The following CDH13 variants were observed in gnomAD, a reference collection of about 807,000 sequenced individuals.
CDH13 encodes cadherin 13.
In CDH13, 24 loss-of-function variants were observed where a neutral mutation model predicts 63.8. The ratio of observed to expected loss-of-function variants is 0.38; its 90% CI spans 0.27 to 0.53. The LOEUF is 0.53. Among genes scored for constraint, CDH13 ranks in the 20% least tolerant of loss-of-function variants. CDH13 has a pLI of 0.85. For synonymous variants in CDH13, 503 were observed against 355.3 expected, an observed-to-expected ratio of 1.42 and a Z score of -4.67; for missense variants, 1,049 against 903.1, an observed-to-expected ratio of 1.16 and a Z score of -2.07.
chr16:82,787,841 A>AGTGTCTGTGTGTGTGTGTGTGTGTGT (rs1555516777), intron 1 of CDH13, among the ~76,000 whole-genome samples: 1 of 146,654 alleles, frequency 6.8e-6, no homozygotes, highest in Non-Finnish European at 1.5e-5. Context: ...GAAGGGAGGA[A>AGTGTCTGTGTGTGTGTGTGTGTGTGT]GTGTGTGTGT....
At chr16:83,700,087 T>C (rs552374065) in intron 10 of CDH13, among the ~76,000 whole-genome samples, 1 of 152,288 alleles carries the variant, frequency 6.6e-6, no homozygotes. Context: ...GCCCCTCCTT[T>C]CCTTTACCTC....
At chr16:82,926,905 C>A (rs572409582) in intron 2 of CDH13, among the ~76,000 whole-genome samples, 1 of 152,286 alleles carries the variant, frequency 6.6e-6, no homozygotes, top group South Asian at 2.1e-4. Flanking sequence ...CATAAACTTA[C>A]CATCTTAAAG....
At chr16:83,044,735 G>A (rs1917622567) in intron 3 of CDH13, among the ~76,000 whole-genome samples, 1 of 152,208 alleles carries the variant, frequency 6.6e-6, no homozygotes, top group African/African-American at 2.4e-5. Context: ...ACTCAGAGGT[G>A]GGTCTTAGGT....
intron 1 of CDH13, among the ~76,000 whole-genome samples, chr16:82,739,080 C>T (rs1239122864): frequency 6.6e-6 from 1 of 152,198 alleles, no homozygotes; most frequent in Non-Finnish European, 1.5e-5. Context: ...GGGAACTGTG[C>T]CCTGGTTATG....
chr16:82,745,035 A>C (rs1339287348), intron 1 of CDH13, among the ~76,000 whole-genome samples: 1 of 152,204 alleles, frequency 6.6e-6, no homozygotes, highest in Non-Finnish European at 1.5e-5. Context: ...TTTTTGGCAG[A>C]AATGCAATCT....
intron 10 of CDH13, among the ~76,000 whole-genome samples, chr16:83,747,006 A>C (rs113896671): frequency 1.3e-5 from 2 of 152,210 alleles, no homozygotes; most frequent in African/African-American, 4.8e-5. Flanking sequence ...TCTGTTTCTC[A>C]AAACTCATTA....
chr16:83,069,636 C>G (rs533835613), intron 3 of CDH13, among the ~76,000 whole-genome samples: 73 of 152,276 alleles, frequency 4.8e-4, no homozygotes, highest in African/African-American at 1.6e-3. Flanking sequence ...TGCTGCCTCT[C>G]AGAAAGACTA....
At chr16:83,658,254 TCACCACCAGG>T in intron 8 of CDH13, among the ~76,000 whole-genome samples, 1 of 135,082 alleles carries the variant, frequency 7.4e-6, no homozygotes, top group Admixed American at 7.4e-5. Context: ...TCCCATGTCC[TCACCACCAGG>T]TCCCGTATCC....
chr16:83,085,483 G>A (rs535841963), intron 3 of CDH13, among the ~76,000 whole-genome samples: 9 of 152,300 alleles, frequency 5.9e-5, no homozygotes, highest in African/African-American at 1.7e-4. Context: ...CTGGGAGAAT[G>A]TGGAAAGGGT....
intron 7 of CDH13, among the ~76,000 whole-genome samples, chr16:83,524,851 A>G (rs536033975): frequency 1.4e-3 from 214 of 152,268 alleles, no homozygotes; most frequent in Middle Eastern, 0.01. Context: ...TGGGGCCACC[A>G]TCTAACACAG....
intron 8 of CDH13, among the ~76,000 whole-genome samples, chr16:83,660,154 C>T (rs562352140): frequency 6.6e-6 from 1 of 151,968 alleles, no homozygotes. Flanking sequence ...ACCAGGATTG[C>T]GGGGATGGTC....
chr16:82,672,175 G>C (rs1446735651), intron 1 of CDH13, among the ~76,000 whole-genome samples: 1 of 152,098 alleles, frequency 6.6e-6, no homozygotes, highest in Non-Finnish European at 1.5e-5. Context: ...ACCTCTTAAG[G>C]CTCAGTGTTT....
intron 3 of CDH13, among the ~76,000 whole-genome samples, chr16:83,105,982 G>C (rs1300168145): frequency 1.3e-5 from 2 of 152,242 alleles, no homozygotes; most frequent in East Asian, 1.9e-4. Flanking sequence ...CAAAAGTTGT[G>C]ATCAAGGAAA....
intron 1 of CDH13, among the ~76,000 whole-genome samples, chr16:82,638,341 T>A (rs1473582081): frequency 6.6e-6 from 1 of 152,174 alleles, no homozygotes; most frequent in Non-Finnish European, 1.5e-5. Context: ...TGAGCTTGAA[T>A]CCCTGCCCAG....
At chr16:82,959,759 C>A (rs766447079) in intron 2 of CDH13, among the ~76,000 whole-genome samples, 1 of 152,178 alleles carries the variant, frequency 6.6e-6, no homozygotes, top group Non-Finnish European at 1.5e-5. Context: ...AGTAGTACTG[C>A]GTGGCATGGA....
intron 1 of CDH13, among the ~76,000 whole-genome samples, chr16:82,810,439 C>T (rs146973307): frequency 9.2e-5 from 14 of 152,218 alleles, no homozygotes; most frequent in Admixed American, 7.2e-4. Context: ...TTAATCGTCT[C>T]CTCAATAATT....
intron 3 of CDH13, among the ~76,000 whole-genome samples, chr16:83,056,128 A>T (rs1192667515): frequency 6.6e-6 from 1 of 152,202 alleles, no homozygotes; most frequent in Non-Finnish European, 1.5e-5. Context: ...GTCATCAAGG[A>T]AATGCAAAGG....
At position 83,470,884 on chromosome 16, in the gene CDH13, T is replaced by C. The variant is rs548239509; in HGVS notation, c.782-15593T>C. 1.2e-4 allele frequency among the ~76,000 whole-genome samples: 19 copies of C among 152,320 alleles called. 1 individual carries two copies. Among genetic ancestry groups the C allele is most frequent in the Admixed American group, 5.2e-4 (8 of 15,306 alleles). On this transcript the variant is annotated intron_variant, in intron 6 of 13. Transcript: ENST00000567109. ...GGTCAGAAGTCCAAAATCGGTCTCA[T>C]TGGGTTAAAGTCAAGGTGTAGGCAA...
intron 5 of CDH13, among the ~76,000 whole-genome samples, chr16:83,278,210 A>G (rs1052379722): frequency 2.6e-5 from 4 of 152,204 alleles, no homozygotes; most frequent in African/African-American, 9.6e-5. Context: ...GATTTTTAAA[A>G]AGTACAACCC....
Sources: gnomAD v4.1 joint callset for allele counts (sites outside exome capture counted in the v4.1 genomes callset) on GRCh38, gnomAD v4.1.1 for gene constraint, MANE v1.5 for transcripts, NCBI Gene and HGNC (gene_info 2026-07-23, HGNC 2026-07-21) for gene names.